The following NCKAP1L variants were observed in gnomAD, a reference collection of about 807,000 sequenced individuals.
NCKAP1L encodes the protein nck-associated protein 1-like.
A neutral mutation model predicts 139.2 loss-of-function variants in NCKAP1L; 53 were observed. The observed-to-expected ratio is 0.38, with a 90% CI of 0.31 to 0.48. The LOEUF is 0.48. Ranked by LOEUF, NCKAP1L falls within the 20% of genes least tolerant of loss-of-function variation. The pLI, the probability that NCKAP1L is intolerant of heterozygous loss-of-function variation, is 0.98. For synonymous variants in NCKAP1L, 468 were observed against 499.7 expected, an observed-to-expected ratio of 0.94 and a Z score of 0.85; for missense variants, 1,151 against 1,381.9, an observed-to-expected ratio of 0.83 and a Z score of 2.65.
rs1481804418 is a variant in NCKAP1L at position 54,544,956 on chromosome 12, C to CCA, written c.*2274_*2275dup. 1 of 152,176 alleles carries CCA rather than the reference C, an allele frequency of 6.6e-6. No individual in the cohort carries two copies. The highest frequency in any genetic ancestry group is 2.4e-5 in the African/African-American group (1 of 41,430). The allele number at this position is 152,176 out of a possible 1,614,324, so 9.4% of individuals were successfully genotyped here. ...GAGGTTGCAGTAAGCTAAGATCCTG[C>CCA]CACAGCATTCCAGGCTGAGTGACAG... On this transcript the variant is annotated 3_prime_UTR_variant, in exon 31 of 31. Transcript: ENST00000293373.
At chr12:54,521,978 A>G (rs1165975343) in intron 18 of NCKAP1L, among the ~76,000 whole-genome samples, 1 of 152,076 alleles carries the variant, frequency 6.6e-6, no homozygotes, top group Non-Finnish European at 1.5e-5. Flanking sequence ...ATTACATACA[A>G]TGGGGATAAA....
chr12:54,529,306 G>T (rs2120950897), intron 22 of NCKAP1L, among the ~76,000 whole-genome samples: 1 of 152,312 alleles, frequency 6.6e-6, no homozygotes, highest in Non-Finnish European at 1.5e-5. Context: ...AGACAGGTAA[G>T]GAGTGTGTAG....
At chr12:54,531,424 T>G in intron 23 of NCKAP1L, 67 bp downstream of exon 23, 3 of 1,602,132 alleles carry the variant, frequency 1.9e-6, no homozygotes, top group Middle Eastern at 1.7e-4. Context: ...TATAGGAGAC[T>G]GGGGGGGAAG....
At chr12:54,519,164 C>T in intron 15 of NCKAP1L, 23 bp from the exon 16 acceptor site, 1 of 1,553,724 alleles carries the variant, frequency 6.4e-7, no homozygotes. Context: ...TTTTTCTCCA[C>T]ACTTTCCCAA....
rs1957189809 is a variant in NCKAP1L at position 54,545,404 on chromosome 12, A to G, written c.*2719A>G. 1 of 152,210 alleles carries G rather than the reference A, an allele frequency of 6.6e-6. No homozygotes were observed. The highest frequency in any genetic ancestry group is 1.5e-5 in the Non-Finnish European group (1 of 68,036). 9.4% of individuals were successfully genotyped at this position (152,210 alleles called of 1,614,324 possible). ...TGATGTTCAGTCCTAGACCTTTTCTACTTGCCCGGTCTGCCTCTTCACAAG... is the reference window on the plus strand; with the variant it reads ...TGATGTTCAGTCCTAGACCTTTTCTGCTTGCCCGGTCTGCCTCTTCACAAG... On this transcript the variant is annotated 3_prime_UTR_variant, in exon 31 of 31. Transcript: ENST00000293373.
Position 54,519,295 on chromosome 12 carries a change from A to G in NCKAP1L, c.1588A>G (p.Lys530Glu). 1 of 1,585,284 alleles carries G rather than the reference A, an allele frequency of 6.3e-7. No homozygotes were observed. Among genetic ancestry groups the G allele is most frequent in the Non-Finnish European group, 8.5e-7 (1 of 1,172,738 alleles). Residue 530 changes from lysine to glutamate, a missense_variant, in exon 16 of 31, where the codon AAA (lysine) becomes GAA (glutamate). Coordinates refer to ENST00000293373, the MANE Select transcript of NCKAP1L (RefSeq NM_005337.5). ...FHSRMLDSVE[K>E]LLVETSDLST... ...CTCCCGAATGCTGGACTCCGTAGAA[A>G]AATTGCTGGTGGAAACTTCTGATCT...
Position 54,531,725 on chromosome 12 carries a change from A to G in NCKAP1L, c.2699-18A>G. The stretch of plus-strand genomic sequence containing the variant: ...CCCTCTCTAAATTATCTTTTCTAAC[A>G]CGCTTCTTTCTCCTCAGGGGCTGAA... On this transcript the variant is annotated intron_variant, in intron 24 of 30. Transcript: ENST00000293373. 6.2e-7 allele frequency: 1 copy of G among 1,609,510 alleles called. No homozygotes were observed. The highest frequency in any genetic ancestry group is 8.5e-7 in the Non-Finnish European group (1 of 1,176,252).
intron 30 of NCKAP1L, among the ~76,000 whole-genome samples, chr12:54,539,514 G>T (rs1957140796): frequency 6.6e-6 from 1 of 152,212 alleles, no homozygotes; most frequent in South Asian, 2.1e-4. Flanking sequence ...TTCCCAAGCT[G>T]TGGGCTTCTC....
Position 54,520,867 on chromosome 12 carries a change from A to G in NCKAP1L, c.1758+41A>G, listed in dbSNP as rs11170965. On this transcript the variant is annotated intron_variant, in intron 17 of 30. Coordinates refer to ENST00000293373, the MANE Select transcript of NCKAP1L (RefSeq NM_005337.5). ...TCCAGACCCTGTCATCTTTCTAGTCATCATCCTTATCACCCAAAACACAAT... is the reference window on the plus strand; with the variant it reads ...TCCAGACCCTGTCATCTTTCTAGTCGTCATCCTTATCACCCAAAACACAAT... The G allele has an allele frequency of 6.6e-3, 10,580 of 1,612,390 alleles. 439 individuals are homozygous for G. In the East Asian group the frequency reaches 0.094, roughly 14 times the overall value.
chr12:54,497,804 T>A lies in NCKAP1L; in HGVS notation c.15T>A (p.Ser5=), dbSNP rs1393520790. ...CAGTGGCCATCATGTCTTTGACATC[T>A]GCTTACCAGCATAAATTAGCAGAGA... MSLT[S]AYQHKLAEKL... is the part of the protein sequence containing the mutation. Residue 5 remains serine (S), a synonymous_variant, in exon 1 of 31, where the codon TCT becomes TCA. Transcript: ENST00000293373. The A allele has an allele frequency of 6.2e-7, 1 of 1,612,768 alleles. No individual in the cohort carries two copies.
Position 54,521,160 on chromosome 12 carries a change from C to T in NCKAP1L, c.1800C>T (p.Ser600=), listed in dbSNP as rs896338393. ...ACCATGGTCTTCACCACTGCAACTC[C>T]TTCCTGGAAGAGTTGGCCAAGCAGA... is the stretch of plus-strand genomic sequence containing the variant. The part of the protein sequence containing the change: ...LKNHGLHHCN[S]FLEELAKQTS... The change falls in exon 18 of 31, where the codon TCC becomes TCT. Residue 600 remains serine, a synonymous_variant. Transcript: ENST00000293373. The T allele has an allele frequency of 1.9e-6, 3 of 1,614,072 alleles. No homozygotes were observed. The highest frequency in any genetic ancestry group is 1.3e-5 in the African/African-American group (1 of 75,006).
In NCKAP1L at chr12:54,505,449, T is replaced by C. The variant is rs902124600; in HGVS notation, c.307-2404T>C. Among the ~76,000 whole-genome samples, 935 of 151,510 alleles carry C rather than the reference T, an allele frequency of 6.2e-3. 9 individuals are homozygous for C. The highest frequency in any genetic ancestry group is 0.021 in the African/African-American group (884 of 41,446). ...ACCCCAAGGGTTCCTTGTGCCTTTTTTTTTTTTTTTTAGCTTCAGCCAATC... is the reference window on the plus strand; with the variant it reads ...ACCCCAAGGGTTCCTTGTGCCTTTTCTTTTTTTTTTTAGCTTCAGCCAATC... On this transcript the variant is annotated intron_variant, in intron 3 of 30. Coordinates refer to ENST00000293373, the MANE Select transcript of NCKAP1L (RefSeq NM_005337.5).
At chr12:54,517,704 G>A (rs1009261322) in intron 12 of NCKAP1L, 62 bp downstream of exon 12, 24 of 1,585,122 alleles carry the variant, frequency 1.5e-5, no homozygotes, top group Non-Finnish European at 2.0e-5. Flanking sequence ...GGAGGCATCA[G>A]ATGACCTTAG....
chr12:54,498,279 G>T (rs1164856013), intron 1 of NCKAP1L, among the ~76,000 whole-genome samples: 3 of 151,952 alleles, frequency 2.0e-5, no homozygotes, highest in Non-Finnish European at 4.4e-5. Flanking sequence ...CTGGGTCTCT[G>T]GCAAAAACTT....
chr12:54,528,307 G>A lies in NCKAP1L; in HGVS notation c.2436G>A (p.Met812Ile). The change falls in exon 22 of 31, where the codon ATG becomes ATA. Residue 812 changes from methionine (M) to isoleucine (I), a missense_variant. Physicochemically the swap from Met to Ile is conservative, Grantham distance 10 (BLOSUM62 1). Coordinates refer to ENST00000293373, the MANE Select transcript of NCKAP1L (RefSeq NM_005337.5). ...GGACCATCATCCTCTCCCCAGCCAT[G>A]CAGGCCTTCGTCAGCCTGCCCAGAG... The part of the protein sequence containing the change: ...SSGTIILSPA[M>I]QAFVSLPREG... 6.2e-7 allele frequency: 1 copy of A among 1,614,012 alleles called. No individual in the cohort carries two copies. The highest frequency in any genetic ancestry group is 8.5e-7 in the Non-Finnish European group (1 of 1,179,966).
At chr12:54,502,882 C>T (rs1018647195) in intron 3 of NCKAP1L, among the ~76,000 whole-genome samples, 1 of 149,448 alleles carries the variant, frequency 6.7e-6, no homozygotes, top group Non-Finnish European at 1.5e-5. Context: ...CCTGTAGTCC[C>T]AGCTGCTTAG....
chr12:54,533,315 A>C (rs923113379), intron 26 of NCKAP1L, among the ~76,000 whole-genome samples: 4 of 152,162 alleles, frequency 2.6e-5, no homozygotes, highest in Non-Finnish European at 5.9e-5. Context: ...GAGAGGGAGG[A>C]TGGCCTGTCC....
At chr12:54,511,192 A>C (rs1187761142) in intron 7 of NCKAP1L, among the ~76,000 whole-genome samples, 1 of 152,216 alleles carries the variant, frequency 6.6e-6, no homozygotes, top group Non-Finnish European at 1.5e-5. Flanking sequence ...TGCTCTCTTC[A>C]TTTTATTGTT....
At chr12:54,501,860 T>C (rs1956800450) in intron 3 of NCKAP1L, among the ~76,000 whole-genome samples, 1 of 152,202 alleles carries the variant, frequency 6.6e-6, no homozygotes, top group Admixed American at 6.5e-5. Flanking sequence ...TCACCAACGG[T>C]GCATAAGGGC....
Sources: allele counts gnomAD v4.1 joint callset (sites outside exome capture counted in the v4.1 genomes callset), GRCh38; gene constraint gnomAD v4.1.1; transcripts MANE v1.5; gene names NCBI Gene and HGNC (gene_info 2026-07-23, HGNC 2026-07-21).